The following GRIN2A variants were observed in gnomAD, a reference collection of about 807,000 sequenced individuals.
GRIN2A encodes the protein glutamate receptor ionotropic, NMDA 2A.
A neutral mutation model predicts 113.4 loss-of-function variants in GRIN2A; 22 were observed. The observed-to-expected ratio is 0.19, with a 90% CI of 0.14 to 0.28. The LOEUF (loss-of-function observed/expected upper bound fraction) is 0.28. Among genes scored for constraint, GRIN2A ranks in the 10% least tolerant of loss-of-function variants. The pLI is 1.00. For missense variants in GRIN2A, 1,502 were observed against 1,887.0 expected, an observed-to-expected ratio of 0.80 and a Z score of 3.78; for synonymous variants, 827 against 738.4, an observed-to-expected ratio of 1.12 and a Z score of -1.94.
At chr16:9,854,550 A>G (rs115996759) in intron 4 of GRIN2A, among the ~76,000 whole-genome samples, 1,632 of 152,260 alleles carry the variant, frequency 0.011, 21 homozygotes, top group African/African-American at 0.037. Context: ...AGTTATATCC[A>G]AAATGGAAGG....
intron 2 of GRIN2A, among the ~76,000 whole-genome samples, chr16:10,100,125 C>A (rs1399611717): frequency 6.6e-6 from 1 of 152,184 alleles, no homozygotes; most frequent in Admixed American, 6.5e-5. Context: ...GCCAATATTA[C>A]TTTTGCAAGG....
intron 3 of GRIN2A, among the ~76,000 whole-genome samples, chr16:9,916,739 A>T (rs1473604657): frequency 1.3e-5 from 2 of 151,956 alleles, no homozygotes; most frequent in Non-Finnish European, 2.9e-5. Context: ...CCTCCCCGCC[A>T]CCCACATCCC....
intron 3 of GRIN2A, among the ~76,000 whole-genome samples, chr16:9,913,800 G>T (rs2044189712): frequency 1.3e-5 from 2 of 152,012 alleles, no homozygotes; most frequent in Admixed American, 1.3e-4. Flanking sequence ...GTCATGTTTT[G>T]CATTCTTTGA....
intron 2 of GRIN2A, among the ~76,000 whole-genome samples, chr16:9,978,468 C>T (rs796137621): frequency 3.3e-5 from 5 of 152,246 alleles, no homozygotes; most frequent in African/African-American, 9.6e-5. Flanking sequence ...TCCTTCTCCT[C>T]CTCCTCCCTA....
chr16:10,173,393 T>C (rs2050081902), intron 2 of GRIN2A, among the ~76,000 whole-genome samples: 2 of 152,250 alleles, frequency 1.3e-5, no homozygotes, highest in Admixed American at 6.5e-5. Flanking sequence ...AGCAGTTCTC[T>C]ACAGGCCTTT....
chr16:9,921,281 A>G (rs2044353854), intron 3 of GRIN2A, among the ~76,000 whole-genome samples: 1 of 152,242 alleles, frequency 6.6e-6, no homozygotes, highest in South Asian at 2.1e-4. Context: ...ATGATGAATT[A>G]ACTCTAAAGA....
intron 10 of GRIN2A, among the ~76,000 whole-genome samples, chr16:9,801,399 G>A (rs997064859): frequency 5.3e-5 from 8 of 152,042 alleles, no homozygotes; most frequent in Admixed American, 1.3e-4. Context: ...CAAACATTAG[G>A]GCCCTCTGTT....
chr16:9,821,637 T>C (rs1303723876), intron 10 of GRIN2A, among the ~76,000 whole-genome samples: 1 of 152,202 alleles, frequency 6.6e-6, no homozygotes, highest in Non-Finnish European at 1.5e-5. Context: ...CCATGTTAGA[T>C]ATGAGGCTAT....
chr16:9,890,681 T>C (rs1343331732), intron 4 of GRIN2A, among the ~76,000 whole-genome samples: 1 of 152,216 alleles, frequency 6.6e-6, no homozygotes, highest in Non-Finnish European at 1.5e-5. Context: ...TCAACACTTA[T>C]TAGTGTAATG....
intron 4 of GRIN2A, among the ~76,000 whole-genome samples, chr16:9,872,873 A>G (rs1050439755): frequency 4.9e-5 from 7 of 142,246 alleles, no homozygotes; most frequent in African/African-American, 1.8e-4. Context: ...CTACAAAAAC[A>G]AAACAAAATA....
At chr16:10,109,630 TA>T (rs1837984047) in intron 2 of GRIN2A, among the ~76,000 whole-genome samples, 1 of 121,320 alleles carries the variant, frequency 8.2e-6, no homozygotes, top group South Asian at 2.5e-4. Flanking sequence ...ATAACCAGAT[TA>T]CAAAAAAAAA....
Position 10,110,385 on chromosome 16 carries a change from A to G in GRIN2A, c.414+69613T>C, listed in dbSNP as rs1242631540. On this transcript the variant is annotated intron_variant, in intron 2 of 12. Transcript: ENST00000330684. The stretch of plus-strand genomic sequence containing the variant: ...AGTTTGGATTTTTTAATAAATTCTA[A>G]TGGACGCTATTACATGGTTTTTACC... Among the ~76,000 whole-genome samples, 5 of 152,346 alleles carry G rather than the reference A, an allele frequency of 3.3e-5. No homozygotes were observed. In the East Asian group the frequency reaches 9.6e-4, roughly 29 times the overall value.
At chr16:9,979,454 T>C (rs1048454393) in intron 2 of GRIN2A, among the ~76,000 whole-genome samples, 2 of 152,162 alleles carry the variant, frequency 1.3e-5, no homozygotes, top group Non-Finnish European at 2.9e-5. Context: ...GCTGTTCCCA[T>C]CATCAGGACC....
intron 2 of GRIN2A, among the ~76,000 whole-genome samples, chr16:10,128,790 G>A (rs778747121): frequency 5.9e-5 from 9 of 152,212 alleles, no homozygotes; most frequent in Non-Finnish European, 1.0e-4. Flanking sequence ...AGATAGCTGA[G>A]AAGTTAAAGA....
At chr16:10,098,902 A>T (rs1208945978) in intron 2 of GRIN2A, among the ~76,000 whole-genome samples, 1 of 151,728 alleles carries the variant, frequency 6.6e-6, no homozygotes, top group East Asian at 1.9e-4. Flanking sequence ...TCACTGAACT[A>T]CTCATGTAAC....
At chr16:9,867,732 G>A (rs749586458) in intron 4 of GRIN2A, among the ~76,000 whole-genome samples, 2 of 152,070 alleles carry the variant, frequency 1.3e-5, no homozygotes, top group Non-Finnish European at 2.9e-5. Context: ...CCACCTCGTT[G>A]GCTGATTCAT....
chr16:9,843,297 ATCATCTCTATAT>A (rs1190323053), intron 5 of GRIN2A, among the ~76,000 whole-genome samples: 1 of 152,082 alleles, frequency 6.6e-6, no homozygotes, highest in Non-Finnish European at 1.5e-5. Flanking sequence ...CATGATATAC[ATCATCTCTATAT>A]CCATGAAGGT....
rs748684701 is a variant in GRIN2A, at chr16:10,180,244, G to T, written c.168C>A (p.Gly56=). The T allele has an allele frequency of 1.2e-6, 2 of 1,614,014 alleles. No homozygotes were observed. The highest frequency in any genetic ancestry group is 2.2e-5 in the South Asian group (2 of 91,084). Residue 56 remains glycine (G), a synonymous_variant, in exon 2 of 13, where the codon GGC becomes GGA. Coordinates refer to ENST00000330684, the MANE Select transcript of GRIN2A (RefSeq NM_001134407.3). This position sits in a 1 kb window ranked among gnomAD's most constrained non-coding sequence, Gnocchi z 7.0. ...VTERELRTLW[G]PEQAAGLPLD... is the part of the protein sequence containing the mutation. ...GGGGCAGCCCCGCCGCCTGCTCGGG[G>T]CCCCACAGTGTTCGAAGTTCGCGCT... is the stretch of plus-strand genomic sequence containing the variant.
At chr16:10,056,230 C>T (rs1369530227) in intron 2 of GRIN2A, among the ~76,000 whole-genome samples, 1 of 152,208 alleles carries the variant, frequency 6.6e-6, no homozygotes, top group Non-Finnish European at 1.5e-5. Flanking sequence ...TTCACCCATA[C>T]ATATATCCAA....
Sources: gnomAD v4.1 joint callset for allele counts (sites outside exome capture counted in the v4.1 genomes callset) on GRCh38, gnomAD v4.1.1 for gene constraint, Gnocchi (gnomAD v3.1) non-coding constraint, MANE v1.5 for transcripts, NCBI Gene and HGNC (gene_info 2026-07-23, HGNC 2026-07-21) for gene names.